The following ITIH5 variants were observed in gnomAD, a reference collection of about 807,000 sequenced individuals.
ITIH5 encodes inter-alpha-trypsin inhibitor heavy chain 5, also known as inter-alpha-trypsin inhibitor heavy chain H5.
Under a neutral mutation model 77.5 loss-of-function variants are expected in ITIH5, and 65 were observed. The observed-to-expected ratio is 0.84, with a 90% CI of 0.69 to 1.03. ITIH5 has a LOEUF of 1.03. Among genes scored for constraint, ITIH5 ranks in the 50% least tolerant of loss-of-function variants. The probability of loss-of-function intolerance (pLI) is 0.00; values close to 1 mark genes in which losing one functional copy is unlikely to be tolerated. For synonymous variants in ITIH5, 525 were observed against 494.3 expected (o/e 1.06, Z -0.82); for missense variants, 1,208 against 1,213.1 (o/e 1.00, Z 0.06).
At chr10:7,577,997 TG>T (rs1374595295) in intron 9 of ITIH5, among the ~76,000 whole-genome samples, 1 of 152,246 alleles carries the variant, frequency 6.6e-6, no homozygotes, top group Non-Finnish European at 1.5e-5. Flanking sequence ...TGGGTAGCAG[TG>T]AGATGTGCAA....
intron 2 of ITIH5, among the ~76,000 whole-genome samples, chr10:7,648,093 AAT>A (rs1323176591): frequency 1.3e-5 from 2 of 151,816 alleles, no homozygotes; most frequent in African/African-American, 4.8e-5. Flanking sequence ...AAAAAAAAAA[AAT>A]ACAAAAAATT....
intron 5 of ITIH5, chr10:7,619,685 A>G (rs1345711699): frequency 4.1e-6 from 1 of 244,458 alleles, no homozygotes; most frequent in Non-Finnish European, 9.1e-6. Flanking sequence ...CAGAACTGGG[A>G]AGCGCCGGAC....
At chr10:7,603,151 C>T (rs1833049588) in intron 7 of ITIH5, among the ~76,000 whole-genome samples, 1 of 152,318 alleles carries the variant, frequency 6.6e-6, no homozygotes, top group Admixed American at 6.5e-5. Flanking sequence ...ACTCACCTCA[C>T]GCTCTCAGAA....
chr10:7,637,218 C>T lies in ITIH5; in HGVS notation c.652+10G>A. The T allele has an allele frequency of 4.4e-6, 7 of 1,603,590 alleles. No homozygotes were observed. Among genetic ancestry groups the T allele is most frequent in the Non-Finnish European group, 5.9e-6 (7 of 1,178,948 alleles). On this transcript the variant is annotated intron_variant, in intron 5 of 13. Coordinates refer to ENST00000397146, the MANE Select transcript of ITIH5 (RefSeq NM_030569.7). The stretch of plus-strand genomic sequence containing the variant: ...CACAGATCTGCACGAACCCAGCACG[C>T]AGGACTCACCTTCCCCGCGCCCACT...
chr10:7,613,184 T>C (rs1833287127), intron 7 of ITIH5, among the ~76,000 whole-genome samples: 1 of 149,930 alleles, frequency 6.7e-6, no homozygotes, highest in African/African-American at 2.5e-5. Context: ...AGGCAGAGGC[T>C]GCAGTGAGCC....
intron 7 of ITIH5, among the ~76,000 whole-genome samples, chr10:7,599,651 T>C (rs1291591961): frequency 6.6e-6 from 1 of 152,184 alleles, no homozygotes; most frequent in Non-Finnish European, 1.5e-5. Flanking sequence ...CCTACACCTC[T>C]CATTATAAAT....
At chr10:7,565,446 T>C (rs951803983) in intron 13 of ITIH5, among the ~76,000 whole-genome samples, 1 of 150,612 alleles carries the variant, frequency 6.6e-6, no homozygotes, top group Non-Finnish European at 1.5e-5. Flanking sequence ...ATAGACTGTG[T>C]ATATATACAC....
At chr10:7,666,705 G>A in intron 1 of ITIH5, 98 bp downstream of exon 1, 1 of 909,172 alleles carries the variant, frequency 1.1e-6, no homozygotes, top group Non-Finnish European at 1.7e-6. Flanking sequence ...GGGCCTGGGA[G>A]ACGGTCGAAG....
chr10:7,563,910 G>A (rs1308352028), intron 13 of ITIH5, among the ~76,000 whole-genome samples: 3 of 152,252 alleles, frequency 2.0e-5, no homozygotes, highest in Admixed American at 6.5e-5. Context: ...ATGCTGGGCC[G>A]CCAGGCCCCA....
chr10:7,586,521 T>C (rs1832683591), intron 7 of ITIH5, among the ~76,000 whole-genome samples: 1 of 152,162 alleles, frequency 6.6e-6, no homozygotes, highest in South Asian at 2.1e-4. Flanking sequence ...GCATTCCTAT[T>C]ATAAAGCACA....
intron 5 of ITIH5, among the ~76,000 whole-genome samples, chr10:7,633,010 A>C (rs1833736851): frequency 6.6e-6 from 1 of 152,218 alleles, no homozygotes; most frequent in Non-Finnish European, 1.5e-5. Context: ...CCTTAAAACA[A>C]TCACACAGTG....
rs746088551 is a variant in ITIH5 at position 7,585,930 on chromosome 10, A to G, written c.1079T>C (p.Val360Ala). 6.2e-7 allele frequency: 1 copy of G among 1,613,982 alleles called. No homozygotes were observed. Among genetic ancestry groups the G allele is most frequent in the Non-Finnish European group, 8.5e-7 (1 of 1,179,986 alleles). Reference protein sequence around the residue: ...VTPDSIRDGKVYIHHMSPTGG... With the variant: ...VTPDSIRDGKAYIHHMSPTGG... ...AGTGGGTGACATATGGTGAATGTAC[A>G]CTTTCCCATCCCTGATGCTGTCTGG... The change falls in exon 8 of 14, where the codon GTG becomes GCG. Residue 360 changes from valine (V) to alanine (A), a missense_variant. Val to Ala is a moderately conservative substitution (Grantham distance 64). Transcript: ENST00000397146.
At chr10:7,569,839 C>A in intron 11 of ITIH5, 55 bp from the exon 12 acceptor site, 3 of 1,026,576 alleles carry the variant, frequency 2.9e-6, no homozygotes, top group Non-Finnish European at 4.3e-6. Flanking sequence ...TCAGTACCTT[C>A]CTTGTGTAGG....
chr10:7,657,024 G>A (rs2131109349), intron 1 of ITIH5, among the ~76,000 whole-genome samples: 1 of 142,666 alleles, frequency 7.0e-6, no homozygotes, highest in East Asian at 2.1e-4. Flanking sequence ...TTACAGGCGT[G>A]AGCCACCGCG....
rs1214852085 is a variant in ITIH5, at chr10:7,559,810, T to C, written c.*3273A>G. 1 of 455,560 alleles carries C rather than the reference T, an allele frequency of 2.2e-6. No individual in the cohort carries two copies. Among genetic ancestry groups the C allele is most frequent in the Non-Finnish European group, 4.4e-6 (1 of 226,712 alleles). 28.2% of individuals were successfully genotyped at this position (455,560 alleles called of 1,614,324 possible). On this transcript the variant is annotated 3_prime_UTR_variant, in exon 14 of 14. Transcript: ENST00000397146. ...GCCATCTTCTCATCGTATCCCCAGG[T>C]GGTGGAGAGGAAAAACACCATCTCT...
chr10:7,644,530 G>GATATATATCACATATATATGAT (rs375662088), intron 2 of ITIH5, among the ~76,000 whole-genome samples: 1 of 59,750 alleles, frequency 1.7e-5, no homozygotes, highest in Non-Finnish European at 3.2e-5. Context: ...ACATATATAT[G>GATATATATCACATATATATGAT]ATATATCACA....
At chr10:7,662,828 ATGGCC>A (rs763383846) in intron 1 of ITIH5, among the ~76,000 whole-genome samples, 29 of 152,226 alleles carry the variant, frequency 1.9e-4, no homozygotes, top group Non-Finnish European at 3.7e-4. Flanking sequence ...ACGTTATTGA[ATGGCC>A]AGAAGCTTAC....
intron 5 of ITIH5, among the ~76,000 whole-genome samples, chr10:7,627,286 C>T (rs1035630737): frequency 2.2e-5 from 3 of 137,186 alleles, no homozygotes; most frequent in African/African-American, 8.9e-5. Flanking sequence ...ACATGGATCC[C>T]AGAACTTAAA....
At chr10:7,585,044 T>C (rs1433084407) in intron 8 of ITIH5, among the ~76,000 whole-genome samples, 1 of 152,154 alleles carries the variant, frequency 6.6e-6, no homozygotes, top group Non-Finnish European at 1.5e-5. Flanking sequence ...AAATCCCAGA[T>C]GGGAGAAGAC....
Sources: allele counts gnomAD v4.1 joint callset (sites outside exome capture counted in the v4.1 genomes callset), GRCh38; gene constraint gnomAD v4.1.1; transcripts MANE v1.5; gene names NCBI Gene and HGNC (gene_info 2026-07-23, HGNC 2026-07-21).